TMIGD3: variants seen among roughly 807,000 people sequenced by gnomAD.
TMIGD3 encodes the protein transmembrane and immunoglobulin domain containing 3.
In TMIGD3, 21 loss-of-function variants were observed where a neutral mutation model predicts 28.1. That is an observed-to-expected ratio of 0.75 (90% CI 0.53 to 1.08). The LOEUF is 1.08. TMIGD3 is among the 50% of genes least tolerant of loss of function. The pLI is 0.00. For synonymous variants in TMIGD3, 151 were observed against 162.1 expected, an observed-to-expected ratio of 0.93 and a Z score of 0.52; for missense variants, 416 against 435.6, an observed-to-expected ratio of 0.96 and a Z score of 0.40.
chr1:111,526,449 C>G (rs1354511412), intron 1 of TMIGD3, among the ~76,000 whole-genome samples: 3 of 152,156 alleles, frequency 2.0e-5, no homozygotes, highest in Non-Finnish European at 4.4e-5. Context: ...TGTTTGCTTC[C>G]CCTTCTGCCA....
intron 1 of TMIGD3, among the ~76,000 whole-genome samples, chr1:111,554,990 G>T (rs1039343358): frequency 7.9e-5 from 12 of 151,916 alleles, no homozygotes; most frequent in Non-Finnish European, 1.6e-4. Flanking sequence ...AATGGCTACA[G>T]AATATTTTTT....
rs1009532643 is a variant in TMIGD3 at position 111,563,351 on chromosome 1, A to G, written c.107+495T>C. On this transcript the variant is annotated intron_variant, in intron 1 of 5. Coordinates refer to the TMIGD3 transcript ENST00000369717. ...CTTAACAACAAGCAGCTTACTGTCT[A>G]TCTGGGGAGATAAGACATTCACATA... Among the ~76,000 whole-genome samples, 17 of 152,342 alleles carry G rather than the reference A, an allele frequency of 1.1e-4. 1 individual carries two copies. The highest frequency in any genetic ancestry group is 3.8e-4 in the African/African-American group (16 of 41,584).
At chr1:111,543,376 A>G (rs1448448515) in intron 1 of TMIGD3, among the ~76,000 whole-genome samples, 2 of 152,160 alleles carry the variant, frequency 1.3e-5, no homozygotes, top group African/African-American at 4.8e-5. Flanking sequence ...CCAAAAGGGA[A>G]AAACCATCCT....
intron 1 of TMIGD3, among the ~76,000 whole-genome samples, chr1:111,526,897 C>A (rs1036366259): frequency 1.3e-5 from 2 of 152,046 alleles, no homozygotes; most frequent in African/African-American, 4.8e-5. Context: ...TGCTCTTTGC[C>A]CATAGCTTTG....
chr1:111,531,953 G>A (rs1187812134), intron 1 of TMIGD3, among the ~76,000 whole-genome samples: 9 of 152,018 alleles, frequency 5.9e-5, no homozygotes, highest in Admixed American at 3.3e-4. Context: ...GAAAAACAAA[G>A]GAAAAAAACT....
chr1:111,483,652 CA>C lies in TMIGD3; in HGVS notation c.*34del. The stretch of plus-strand genomic sequence containing the variant: ...TGTCATGGTGATTATTCTGTTGTAG[CA>C]TCACTTTATGAACTAAATTAAAAAA... On this transcript the variant is annotated 3_prime_UTR_variant, in exon 6 of 6. Coordinates refer to ENST00000369716, the MANE Select transcript of TMIGD3 (RefSeq NM_020683.7). The C allele has an allele frequency of 6.6e-7, 1 of 1,510,524 alleles. No homozygotes were observed. The highest frequency in any genetic ancestry group is 9.2e-7 in the Non-Finnish European group (1 of 1,086,904). 93.6% of individuals were successfully genotyped at this position (1,510,524 alleles called of 1,614,324 possible).
At chr1:111,498,821 C>T (rs529281010) in intron 1 of TMIGD3, among the ~76,000 whole-genome samples, 1 of 152,298 alleles carries the variant, frequency 6.6e-6, no homozygotes, top group Non-Finnish European at 1.5e-5. Context: ...TGCAATGGTT[C>T]ACACCTGTAA....
chr1:111,485,386 C>A (rs764962821), intron 5 of TMIGD3: 14 of 216,888 alleles, frequency 6.5e-5, no homozygotes, highest in Admixed American at 1.1e-4. Flanking sequence ...TCTTCTATAC[C>A]TGCTTACCCA....
rs1655364657 is a variant in TMIGD3, at chr1:111,503,543, A to C, written c.-189T>G. The C allele has an allele frequency of 4.2e-6, 6 of 1,413,112 alleles. No homozygotes were observed. The highest frequency in any genetic ancestry group is 5.5e-6 in the Non-Finnish European group (6 of 1,086,096). The allele number at this position is 1,413,112 out of a possible 1,614,324, so 87.5% of individuals were successfully genotyped here. On this transcript the variant is annotated 5_prime_UTR_variant, in exon 1 of 6. Coordinates refer to ENST00000369716, the MANE Select transcript of TMIGD3 (RefSeq NM_020683.7). The stretch of plus-strand genomic sequence containing the variant: ...CTCTTGGAAACCCTTCTCCTTAGAA[A>C]GGGCTCATCACAGGTGGGTCACTTC...
At chr1:111,516,711 G>C (rs1249334108) in intron 1 of TMIGD3, among the ~76,000 whole-genome samples, 1 of 152,166 alleles carries the variant, frequency 6.6e-6, no homozygotes, top group African/African-American at 2.4e-5. Context: ...ACCTCAGCTT[G>C]AAAGAGAGTA....
chr1:111,550,244 T>C (rs1034090605), intron 1 of TMIGD3, among the ~76,000 whole-genome samples: 3 of 152,236 alleles, frequency 2.0e-5, no homozygotes, highest in Non-Finnish European at 2.9e-5. Flanking sequence ...GGATAAAGGA[T>C]TGCCTATTTT....
At chr1:111,486,727 T>A in intron 3 of TMIGD3, 75 bp from the exon 4 acceptor site, 1 of 1,235,288 alleles carries the variant, frequency 8.1e-7, no homozygotes, top group Non-Finnish European at 1.2e-6. Flanking sequence ...GCTGCAGCTC[T>A]GCCTGTCATT....
At chr1:111,494,909 T>C (rs1288345717) in intron 1 of TMIGD3, among the ~76,000 whole-genome samples, 3 of 152,190 alleles carry the variant, frequency 2.0e-5, no homozygotes, top group Non-Finnish European at 4.4e-5. Context: ...GACTCCCTAT[T>C]CAATAAATGG....
intron 3 of TMIGD3, 143 bp from the exon 4 acceptor site, chr1:111,486,795 G>A (rs547935722): frequency 3.8e-5 from 28 of 728,944 alleles, no homozygotes; most frequent in Non-Finnish European, 5.3e-5. Context: ...GGTACCACGC[G>A]CAGTTGTATA....
intron 1 of TMIGD3, among the ~76,000 whole-genome samples, chr1:111,547,840 T>C (rs1657093021): frequency 6.6e-6 from 1 of 152,246 alleles, no homozygotes; most frequent in Non-Finnish European, 1.5e-5. Flanking sequence ...CTGGTATTTT[T>C]CTGCTAAAGC....
chr1:111,527,006 C>CTTTTTTTTTTTTTTTTTTTT (rs71580580), intron 1 of TMIGD3, among the ~76,000 whole-genome samples: 2 of 87,732 alleles, frequency 2.3e-5, no homozygotes, highest in Non-Finnish European at 4.0e-5. Context: ...TCCTCAATGT[C>CTTTTTTTTTTTTTTTTTTTT]TTTTTTTTTT....
At chr1:111,528,444 A>G (rs1040057242) in intron 1 of TMIGD3, among the ~76,000 whole-genome samples, 3 of 152,192 alleles carry the variant, frequency 2.0e-5, no homozygotes, top group African/African-American at 7.2e-5. Context: ...GAAGTCAGGT[A>G]GTATCAGTCC....
chr1:111,503,249 C>T lies in TMIGD3; in HGVS notation c.106G>A (p.Val36Met), dbSNP rs549694029. 85 of 1,614,194 alleles carry T rather than the reference C, an allele frequency of 5.3e-5. No individual in the cohort carries two copies. Among genetic ancestry groups the T allele is most frequent in the South Asian group, 3.2e-4 (29 of 91,074 alleles). ...TGCAGGCTGGGGTTCAGCTTGACCACGCAGATGACCAGCACGTTGCCCACT... is the reference window on the plus strand; with the variant it reads ...TGCAGGCTGGGGTTCAGCTTGACCATGCAGATGACCAGCACGTTGCCCACT... ...AIVGNVLVIC[V>M]VKLNPSLQTT... Residue 36 changes from valine (V) to methionine (M), a missense_variant, in exon 1 of 6, where the codon GTG becomes ATG. Transcript: ENST00000369716.
intron 1 of TMIGD3, among the ~76,000 whole-genome samples, chr1:111,516,211 T>C (rs1424679211): frequency 1.3e-5 from 2 of 152,200 alleles, no homozygotes; most frequent in Admixed American, 6.5e-5. Flanking sequence ...GAAGCTGCTC[T>C]CAGGGCATTT....
Sources: allele counts gnomAD v4.1 joint callset (sites outside exome capture counted in the v4.1 genomes callset), GRCh38; gene constraint gnomAD v4.1.1; transcripts MANE v1.5; gene names NCBI Gene and HGNC (gene_info 2026-07-23, HGNC 2026-07-21).